The following TGFBR1 variants were observed in gnomAD, a reference collection of about 807,000 sequenced individuals.
TGFBR1 encodes the protein TGF-beta receptor type-1.
In TGFBR1, 20 loss-of-function variants were observed where a neutral mutation model predicts 55.1. The ratio of observed to expected loss-of-function variants is 0.36; its 90% confidence interval spans 0.26 to 0.53. The LOEUF (loss-of-function observed/expected upper bound fraction) is 0.53. Ranked by LOEUF, TGFBR1 falls within the 20% of genes least tolerant of loss-of-function variation. The pLI, the probability that TGFBR1 is intolerant of heterozygous loss-of-function variation, is 0.91. For synonymous variants in TGFBR1, 220 were observed against 214.8 expected (o/e 1.02, Z -0.21); for missense variants, 385 against 617.6 (o/e 0.62, Z 3.99).
At chr9:99,104,672 T>C (rs1036603829), upstream of TGFBR1, among the ~76,000 whole-genome samples, 9 of 151,962 alleles carry the variant, frequency 5.9e-5, no homozygotes, top group Non-Finnish European at 1.2e-4. Flanking sequence ...TGCGGAGCTG[T>C]GAATGGGGTC....
chr9:99,112,293 C>G (rs529210687), intron 1 of TGFBR1, among the ~76,000 whole-genome samples: 1 of 152,078 alleles, frequency 6.6e-6, no homozygotes, highest in Non-Finnish European at 1.5e-5. Context: ...TGGCTGTTCC[C>G]TTGCTTGTGT....
rs1038508150 is a variant in TGFBR1, at chr9:99,152,426, A to C, written c.*3121A>C. 7 of 228,678 alleles carry C rather than the reference A, an allele frequency of 3.1e-5. No homozygotes were observed. The highest frequency in any genetic ancestry group is 2.8e-4 in the Admixed American group (5 of 17,612). 14.2% of individuals were successfully genotyped at this position (228,678 alleles called of 1,614,324 possible). ...TTCTGCTGTAATAATGATAGTGCTC[A>C]AGAAGTGCCTTGAGTTGGTGTACAG... On this transcript the variant is annotated 3_prime_UTR_variant, in exon 9 of 9. Coordinates refer to ENST00000374994, the MANE Select transcript of TGFBR1 (RefSeq NM_004612.4).
rs578044154 is a variant in TGFBR1 at position 99,105,146 on chromosome 9, C to T, written c.-60C>T. ...GGGAGGTGGGGCGAGGCGAGGTTTG[C>T]TGGGGTGAGGCAGCGGCGCGGCCGG... On this transcript the variant is annotated 5_prime_UTR_variant, in exon 1 of 9. Coordinates refer to ENST00000374994, the MANE Select transcript of TGFBR1 (RefSeq NM_004612.4). 5 of 1,075,340 alleles carry T rather than the reference C, an allele frequency of 4.6e-6. No homozygotes were observed. The African/African-American group carries it at 5.0e-5, about 11-fold the overall frequency. 66.6% of individuals were successfully genotyped at this position (1,075,340 alleles called of 1,614,324 possible).
Sources: allele counts gnomAD v4.1 joint callset (sites outside exome capture counted in the v4.1 genomes callset), GRCh38; gene constraint gnomAD v4.1.1; transcripts MANE v1.5; gene names NCBI Gene and HGNC (gene_info 2026-07-23, HGNC 2026-07-21).